RANBP2: variants seen among roughly 807,000 people sequenced by gnomAD.
RANBP2 encodes the protein RAN binding protein 2.
Under a neutral mutation model 303.6 loss-of-function variants are expected in RANBP2, and 57 were observed. That is an observed-to-expected ratio of 0.19 (90% CI 0.15 to 0.23). The LOEUF (loss-of-function observed/expected upper bound fraction) is 0.23, where lower values mean the gene tolerates loss of function less well. Among genes scored for constraint, RANBP2 ranks in the 10% least tolerant of loss-of-function variants. The pLI is 1.00. For synonymous variants in RANBP2, 1,167 were observed against 1,301.5 expected (o/e 0.90, Z 2.23); for missense variants, 3,138 against 3,780.8 (o/e 0.83, Z 4.46).
At chr2:109,621,567 A>G in the RANBP2 span, among the ~76,000 whole-genome samples, 11 of 152,024 alleles carry the variant, frequency 7.2e-5, no homozygotes, top group Admixed American at 4.6e-4. Context: ...AGCATTCTTG[A>G]GATTTGTCCA....
chr2:108,749,043 A>T lies in RANBP2; in HGVS notation c.1187A>T (p.Lys396Met). Residue 396 changes from lysine (K) to methionine (M), a missense_variant, in exon 9 of 29, where the codon AAG (lysine) becomes ATG (methionine). By Grantham distance (95) the Lys-to-Met change is moderately conservative. Around this residue, in one of 20 missense-constraint regions of RANBP2, gnomAD observed 95 missense variants for 86.4 expected, o/e 1.10. Transcript: ENST00000283195. ...GCTCTGTTTTCTAGTCAGTCACCTAAGGATACATCTTTTCTTGGTAGCGAT... is the reference window on the plus strand; with the variant it reads ...GCTCTGTTTTCTAGTCAGTCACCTATGGATACATCTTTTCTTGGTAGCGAT... Reference protein sequence around the residue: ...YDALFSSQSPKDTSFLGSDDI... With the variant: ...YDALFSSQSPMDTSFLGSDDI... 2 of 1,612,006 alleles carry T rather than the reference A, an allele frequency of 1.2e-6. No homozygotes were observed. Among genetic ancestry groups the T allele is most frequent in the Non-Finnish European group, 1.7e-6 (2 of 1,179,868 alleles).
chr2:109,304,874 A>G, the RANBP2 span, among the ~76,000 whole-genome samples: 1 of 152,272 alleles, frequency 6.6e-6, no homozygotes, highest in Non-Finnish European at 1.5e-5. Context: ...GCCACCTTAG[A>G]AGACATGGGG....
the RANBP2 span, chr2:108,912,831 G>T: frequency 1.5e-6 from 2 of 1,327,386 alleles, no homozygotes; most frequent in Non-Finnish European, 2.1e-6. Context: ...CTGCCACAGA[G>T]CTCATGGATC....
At chr2:109,057,851 G>A in the RANBP2 span, among the ~76,000 whole-genome samples, 1 of 152,178 alleles carries the variant, frequency 6.6e-6, no homozygotes, top group African/African-American at 2.4e-5. Context: ...TCTCCTGCCT[G>A]GGTCTGCCTG....
the RANBP2 span, among the ~76,000 whole-genome samples, chr2:109,627,110 A>G: frequency 1.3e-5 from 2 of 152,310 alleles, no homozygotes; most frequent in South Asian, 2.1e-4. Flanking sequence ...GTGTGCAATG[A>G]TCACACATCT....
At chr2:109,231,393 G>T in the RANBP2 span, among the ~76,000 whole-genome samples, 1 of 152,228 alleles carries the variant, frequency 6.6e-6, no homozygotes, top group Non-Finnish European at 1.5e-5. Flanking sequence ...GTTCATGTTG[G>T]CAGCCTTAGA....
the RANBP2 span, among the ~76,000 whole-genome samples, chr2:109,120,403 C>T: frequency 5.9e-5 from 9 of 152,190 alleles, no homozygotes; most frequent in African/African-American, 1.2e-4. Flanking sequence ...ACATTAGCCT[C>T]GCATACTCAG....
the RANBP2 span, chr2:108,794,430 T>C: frequency 9.7e-7 from 1 of 1,035,810 alleles, no homozygotes; most frequent in Middle Eastern, 2.6e-4. Flanking sequence ...TCTTGAAACT[T>C]TTTAATGTTA....
the RANBP2 span, among the ~76,000 whole-genome samples, chr2:109,203,701 G>A: frequency 6.6e-6 from 1 of 152,206 alleles, no homozygotes; most frequent in East Asian, 1.9e-4. Flanking sequence ...CCACCCCCTG[G>A]GCCTGGAGCC....
the RANBP2 span, among the ~76,000 whole-genome samples, chr2:108,905,422 A>C: frequency 2.9e-4 from 44 of 152,084 alleles, no homozygotes; most frequent in African/African-American, 9.9e-4. Flanking sequence ...GGCAGCCAAG[A>C]ATTCTTGGCC....
the RANBP2 span, among the ~76,000 whole-genome samples, chr2:109,705,738 G>A: frequency 2.0e-5 from 3 of 152,160 alleles, no homozygotes; most frequent in Admixed American, 6.5e-5. Context: ...TCCAAAATAC[G>A]AACTTGGGGG....
rs1677029985 is a variant in RANBP2 at position 108,765,161 on chromosome 2, C to T, written c.4622C>T (p.Ala1541Val). Residue 1541 changes from alanine to valine, a missense_variant, in exon 20 of 29, where the codon GCT (alanine) becomes GTT (valine). Physicochemically the swap from Ala to Val is moderately conservative, Grantham distance 64. Around this residue, in one of 20 missense-constraint regions of RANBP2, gnomAD observed 388 missense variants for 328.5 expected, o/e 1.18. Transcript: ENST00000283195. Reference sequence around the variant, plus strand: ...AAAAGTGGATTTGAAGACATGTTTGCTAAGAAGGAAGGACAGTGGGATTGC... The same window carrying T: ...AAAAGTGGATTTGAAGACATGTTTGTTAAGAAGGAAGGACAGTGGGATTGC... ...TLKSGFEDMF[A>V]KKEGQWDCSS... is the part of the protein sequence containing the mutation. The T allele has an allele frequency of 1.2e-6, 2 of 1,614,134 alleles. No homozygotes were observed. Among genetic ancestry groups the T allele is most frequent in the Middle Eastern group, 1.6e-4 (1 of 6,062 alleles).
At chr2:109,726,810 G>A in the RANBP2 span, among the ~76,000 whole-genome samples, 3 of 152,182 alleles carry the variant, frequency 2.0e-5, 1 homozygote, top group East Asian at 1.9e-4. Flanking sequence ...AATGTGGTCG[G>A]GGATAGGCTT....
chr2:109,514,575 G>A, the RANBP2 span, among the ~76,000 whole-genome samples: 5 of 152,282 alleles, frequency 3.3e-5, no homozygotes, highest in Admixed American at 1.3e-4. Context: ...GACCAGGGCC[G>A]TCCCTAGAGT....
the RANBP2 span, among the ~76,000 whole-genome samples, chr2:108,980,764 C>A: frequency 6.6e-6 from 1 of 152,190 alleles, no homozygotes; most frequent in Admixed American, 6.5e-5. Context: ...CAGCCCTGAG[C>A]TTGAATCAGT....
the RANBP2 span, among the ~76,000 whole-genome samples, chr2:109,121,212 A>C: frequency 6.6e-6 from 1 of 152,004 alleles, no homozygotes; most frequent in Admixed American, 6.6e-5. Flanking sequence ...GCACCACTGC[A>C]CTCCAGCCTG....
At chr2:109,373,367 G>A in the RANBP2 span, among the ~76,000 whole-genome samples, 1 of 152,162 alleles carries the variant, frequency 6.6e-6, no homozygotes, top group East Asian at 1.9e-4. Flanking sequence ...AATGTTCATG[G>A]AAAGTTCATT....
the RANBP2 span, among the ~76,000 whole-genome samples, chr2:109,582,110 A>ACT: frequency 0.11 from 14,269 of 134,898 alleles, 905 homozygotes; most frequent in Non-Finnish European, 0.15. Flanking sequence ...ACACACACAC[A>ACT]CACTCACTCT....
At chr2:109,320,648 C>G in the RANBP2 span, among the ~76,000 whole-genome samples, 46,520 of 152,156 alleles carry the variant, frequency 0.31, 8,681 homozygotes, top group African/African-American at 0.53. Flanking sequence ...CTCTATAACA[C>G]CCAATATGCA....
Sources: gnomAD v4.1 joint callset for allele counts (sites outside exome capture counted in the v4.1 genomes callset) on GRCh38, gnomAD v4.1.1 for gene constraint, gnomAD v4.1.1 regional missense constraint, MANE v1.5 for transcripts, NCBI Gene and HGNC (gene_info 2026-07-23, HGNC 2026-07-21) for gene names.